Variants in CA10 observed in about 807,000 individuals in gnomAD.
CA10 encodes the protein carbonic anhydrase-related protein 10.
In CA10, 14 loss-of-function variants were observed where a neutral mutation model predicts 44.2. The ratio of observed to expected loss-of-function variants is 0.32; its 90% CI spans 0.21 to 0.50. CA10 has a LOEUF of 0.50. Among genes scored for constraint, CA10 ranks in the 20% least tolerant of loss-of-function variants. CA10 has a pLI of 0.99. For synonymous variants in CA10, 159 were observed against 141.6 expected (o/e 1.12, Z -0.87); for missense variants, 350 against 409.7 (o/e 0.85, Z 1.26).
Position 51,878,351 on chromosome 17 carries a change from T to C in CA10, c.279+52639A>G, listed in dbSNP as rs1170463535. On this transcript the variant is annotated intron_variant, in intron 3 of 8. Transcript: ENST00000451037. ...ACAAGTTCAGAAGCCCCTGCATTAG[T>C]TGTAGAAATGTAGGAAGTATGACCC... Among the ~76,000 whole-genome samples the C allele has an allele frequency of 2.0e-5, 3 of 152,006 alleles. No homozygotes were observed. In the East Asian group the frequency reaches 5.8e-4, roughly 29 times the overall value.
intron 5 of CA10, among the ~76,000 whole-genome samples, chr17:51,650,207 G>T (rs910299945): frequency 6.6e-6 from 1 of 152,052 alleles, no homozygotes; most frequent in East Asian, 1.9e-4. Context: ...TAAGAAAAGG[G>T]TTTTCTTAAA....
At chr17:51,995,897 A>C (rs1985218226) in intron 2 of CA10, among the ~76,000 whole-genome samples, 1 of 152,050 alleles carries the variant, frequency 6.6e-6, no homozygotes, top group African/African-American at 2.4e-5. Context: ...TTCTTGAAAT[A>C]AATTCATCTA....
At chr17:51,849,266 A>ATATAT (rs1555605624) in intron 3 of CA10, among the ~76,000 whole-genome samples, 4 of 68,444 alleles carry the variant, frequency 5.8e-5, no homozygotes, top group Non-Finnish European at 1.6e-4. Context: ...TATATATATA[A>ATATAT]AACTAAGTTT....
At chr17:51,804,333 G>T (rs1287850574) in intron 3 of CA10, among the ~76,000 whole-genome samples, 4 of 152,188 alleles carry the variant, frequency 2.6e-5, no homozygotes, top group African/African-American at 9.7e-5. Flanking sequence ...GTCCGCATTT[G>T]TTTCCAATGC....
intron 2 of CA10, among the ~76,000 whole-genome samples, chr17:51,992,854 T>C (rs1324822827): frequency 6.6e-6 from 1 of 152,128 alleles, no homozygotes. Context: ...TTTTAGATTG[T>C]TATAACCCAA....
intron 3 of CA10, among the ~76,000 whole-genome samples, chr17:51,867,164 C>T (rs953858348): frequency 6.6e-6 from 1 of 152,076 alleles, no homozygotes; most frequent in Non-Finnish European, 1.5e-5. Flanking sequence ...TAGGTAACTA[C>T]ACATTTATAA....
chr17:52,048,720 G>A (rs965281572), intron 2 of CA10, among the ~76,000 whole-genome samples: 15 of 152,086 alleles, frequency 9.9e-5, no homozygotes, highest in African/African-American at 3.4e-4. Flanking sequence ...GAATGCTGAG[G>A]ACATACCCAG....
intron 3 of CA10, among the ~76,000 whole-genome samples, chr17:51,898,289 C>G (rs1396785110): frequency 6.6e-6 from 1 of 151,788 alleles, no homozygotes; most frequent in African/African-American, 2.4e-5. Context: ...TTATTGAAAG[C>G]CTTTTCTGAA....
At chr17:51,839,998 C>T (rs966438849) in intron 3 of CA10, among the ~76,000 whole-genome samples, 8 of 152,148 alleles carry the variant, frequency 5.3e-5, no homozygotes, top group African/African-American at 1.4e-4. Context: ...GATAAAAACT[C>T]GGGCTCATGT....
chr17:52,052,306 A>ATTTT (rs1987100384), intron 2 of CA10, among the ~76,000 whole-genome samples: 7 of 146,168 alleles, frequency 4.8e-5, no homozygotes, highest in African/African-American at 1.8e-4. Flanking sequence ...TTTTAAAAAA[A>ATTTT]AAAAAAAAAA....
intron 1 of CA10, among the ~76,000 whole-genome samples, chr17:52,152,052 ATC>A (rs1989713168): frequency 6.6e-6 from 1 of 152,060 alleles, no homozygotes; most frequent in African/African-American, 2.4e-5. Context: ...GGTAATTATC[ATC>A]TCTGTTTTAC....
chr17:51,887,106 C>CAT (rs1216299769), intron 3 of CA10, among the ~76,000 whole-genome samples: 8 of 151,874 alleles, frequency 5.3e-5, no homozygotes, highest in African/African-American at 1.7e-4. Flanking sequence ...TAAACCTCCT[C>CAT]ATATATATAT....
rs200631343 is a variant in CA10 at position 52,023,705 on chromosome 17, A to AT, written c.136+48613_136+48614insA. Among the ~76,000 whole-genome samples, 16 of 151,700 alleles carry AT rather than the reference A, an allele frequency of 1.1e-4. No individual in the cohort carries two copies. The East Asian group carries it at 2.9e-3, about 28-fold the overall frequency. ...GACAGCTTACAGAATGGCAAAAAAA[A>AT]AAACTTGCAAAGTATGCATGCAACA... On this transcript the variant is annotated intron_variant, in intron 2 of 8. Transcript: ENST00000451037.
chr17:52,077,435 A>C (rs1293598253), intron 1 of CA10, among the ~76,000 whole-genome samples: 1 of 152,154 alleles, frequency 6.6e-6, no homozygotes, highest in Non-Finnish European at 1.5e-5. Flanking sequence ...TTCTGTGCCA[A>C]CTGCTCCACT....
intron 1 of CA10, among the ~76,000 whole-genome samples, chr17:52,115,396 C>T (rs1471040026): frequency 6.6e-6 from 1 of 152,030 alleles, no homozygotes; most frequent in African/African-American, 2.4e-5. Flanking sequence ...AAAATACGGA[C>T]CTGAATGTTT....
chr17:51,960,065 A>T (rs976176687), intron 2 of CA10, among the ~76,000 whole-genome samples: 2 of 151,966 alleles, frequency 1.3e-5, no homozygotes, highest in Non-Finnish European at 2.9e-5. Context: ...ATGGAAAGAA[A>T]TGTTGTAAAA....
intron 1 of CA10, among the ~76,000 whole-genome samples, chr17:52,077,765 T>C (rs769226731): frequency 3.9e-5 from 6 of 152,164 alleles, no homozygotes; most frequent in Non-Finnish European, 8.8e-5. Flanking sequence ...CTGAAATTGG[T>C]CACCAGCATC....
intron 2 of CA10, among the ~76,000 whole-genome samples, chr17:51,994,614 GC>G (rs1985162534): frequency 6.6e-6 from 1 of 151,452 alleles, no homozygotes; most frequent in Admixed American, 6.6e-5. Flanking sequence ...TCTCATCAAT[GC>G]TACAGAGATC....
At chr17:51,647,732 AAG>A (rs1913397246) in intron 6 of CA10, among the ~76,000 whole-genome samples, 2 of 152,360 alleles carry the variant, frequency 1.3e-5, no homozygotes, top group Admixed American at 1.3e-4. Context: ...TTCATCAAAA[AAG>A]TTAAAAGAAT....
Sources: allele counts gnomAD v4.1 joint callset (sites outside exome capture counted in the v4.1 genomes callset), GRCh38; gene constraint gnomAD v4.1.1; transcripts MANE v1.5; gene names NCBI Gene and HGNC (gene_info 2026-07-23, HGNC 2026-07-21).